Variants in CTNNA3 observed in about 807,000 individuals in gnomAD.
The protein encoded by CTNNA3 is catenin alpha-3.
In CTNNA3, 76 loss-of-function variants were observed where a neutral mutation model predicts 95.7. The ratio of observed to expected loss-of-function variants is 0.79; its 90% CI spans 0.66 to 0.96. CTNNA3 has a LOEUF of 0.96. Ranked by LOEUF, CTNNA3 falls within the 40% of genes least tolerant of loss-of-function variation. The pLI is 0.00. For missense variants in CTNNA3, 1,191 were observed against 1,089.8 expected (o/e 1.09, Z -1.31); for synonymous variants, 431 against 374.4 (o/e 1.15, Z -1.74).
Position 67,483,556 on chromosome 10 carries a change from G to T in CTNNA3, c.579+38286C>A, listed in dbSNP as rs553003829. On this transcript the variant is annotated intron_variant, in intron 5 of 17. Transcript: ENST00000433211. ...ACCGCATGTTCTCACTCATAGGTGGGAATTGAACCCATGGACACAGGAAGG... is the reference window on the plus strand; with the variant it reads ...ACCGCATGTTCTCACTCATAGGTGGTAATTGAACCCATGGACACAGGAAGG... 6.6e-5 allele frequency among the ~76,000 whole-genome samples: 10 copies of T among 151,126 alleles called. No homozygotes were observed. The East Asian group carries it at 2.0e-3, about 30-fold the overall frequency.
chr10:67,350,631 G>T (rs1404476740), intron 5 of CTNNA3, among the ~76,000 whole-genome samples: 1 of 142,622 alleles, frequency 7.0e-6, no homozygotes, highest in Non-Finnish European at 1.5e-5. Flanking sequence ...ATTACCCAAA[G>T]ATGACTGAGA....
intron 7 of CTNNA3, among the ~76,000 whole-genome samples, chr10:67,083,990 C>T (rs904285352): frequency 2.6e-5 from 4 of 152,088 alleles, no homozygotes; most frequent in Non-Finnish European, 5.9e-5. Context: ...ATAATGGTTT[C>T]CAAGGTCAAT....
chr10:67,466,519 A>T (rs1847601027), intron 5 of CTNNA3, among the ~76,000 whole-genome samples: 1 of 152,188 alleles, frequency 6.6e-6, no homozygotes, highest in African/African-American at 2.4e-5. Context: ...CAGAGCCAAA[A>T]ACTGAGACAT....
At chr10:67,321,267 G>A (rs2170139) in intron 5 of CTNNA3, among the ~76,000 whole-genome samples, 106,131 of 152,128 alleles carry the variant, frequency 0.7, 41,507 homozygotes, top group Non-Finnish European at 0.88. Flanking sequence ...TAGTCTCAAA[G>A]CACCTAAGAG....
chr10:66,592,681 G>A (rs886526527), intron 10 of CTNNA3, among the ~76,000 whole-genome samples: 7 of 152,280 alleles, frequency 4.6e-5, no homozygotes, highest in Middle Eastern at 3.4e-3. Context: ...ATATGTTAGT[G>A]TGGGTTGAAG....
intron 9 of CTNNA3, among the ~76,000 whole-genome samples, chr10:66,647,299 T>C (rs369467108): frequency 2.0e-5 from 3 of 152,178 alleles, no homozygotes; most frequent in African/African-American, 7.2e-5. Context: ...GGTCCCATAG[T>C]CCAGAGTGAA....
chr10:66,873,189 C>A (rs1844481436), intron 7 of CTNNA3, among the ~76,000 whole-genome samples: 1 of 152,018 alleles, frequency 6.6e-6, no homozygotes, highest in Non-Finnish European at 1.5e-5. Context: ...TAGAATGATA[C>A]CTTTGGGTAT....
intron 5 of CTNNA3, among the ~76,000 whole-genome samples, chr10:67,353,758 A>G (rs1384134488): frequency 6.6e-6 from 1 of 151,998 alleles, no homozygotes; most frequent in African/African-American, 2.4e-5. Context: ...CTCAATAAAT[A>G]TTTGTTAAAT....
At position 66,006,686 on chromosome 10, in the gene CTNNA3, G is replaced by A. The variant is rs1903877; in HGVS notation, c.2160-17889C>T. ...TTTAAACCACCGTGATATACTGGCT[G>A]CCCCTGCTCCTTTCATATCAGACCA... On this transcript the variant is annotated intron_variant, in intron 15 of 17. Coordinates refer to ENST00000433211, the MANE Select transcript of CTNNA3 (RefSeq NM_013266.4). Among the ~76,000 whole-genome samples, 443 of 152,206 alleles carry A rather than the reference G, an allele frequency of 2.9e-3. 2 individuals are homozygous for A. The highest frequency in any genetic ancestry group is 0.01 in the African/African-American group (421 of 41,562).
At chr10:66,623,882 G>A (rs897473793) in intron 9 of CTNNA3, among the ~76,000 whole-genome samples, 1 of 152,138 alleles carries the variant, frequency 6.6e-6, no homozygotes, top group Non-Finnish European at 1.5e-5. Context: ...TTACATCAGT[G>A]TGTGAATAAA....
intron 11 of CTNNA3, among the ~76,000 whole-genome samples, chr10:66,461,814 ATT>A (rs35888450): frequency 0.21 from 29,066 of 140,032 alleles, 3,104 homozygotes; most frequent in South Asian, 0.3. Context: ...TATATCTCCA[ATT>A]TTTTTTTTTT....
intron 1 of CTNNA3, among the ~76,000 whole-genome samples, chr10:67,715,285 T>C (rs1313262440): frequency 4.6e-5 from 7 of 152,210 alleles, no homozygotes; most frequent in Non-Finnish European, 1.0e-4. Context: ...GATAATGGTA[T>C]ATAGTTCATA....
At chr10:67,471,105 G>T (rs1289163614) in intron 5 of CTNNA3, among the ~76,000 whole-genome samples, 5 of 152,066 alleles carry the variant, frequency 3.3e-5, no homozygotes, top group Non-Finnish European at 7.4e-5. Context: ...GCAATTACCG[G>T]TGTGAGCCAC....
At chr10:66,773,799 T>G (rs1840188889) in intron 8 of CTNNA3, among the ~76,000 whole-genome samples, 1 of 152,192 alleles carries the variant, frequency 6.6e-6, no homozygotes, top group African/African-American at 2.4e-5. Context: ...CTATGAAGAA[T>G]AGTATTAGTA....
At chr10:66,400,747 A>G (rs2093014133) in intron 11 of CTNNA3, among the ~76,000 whole-genome samples, 1 of 152,132 alleles carries the variant, frequency 6.6e-6, no homozygotes, top group African/African-American at 2.4e-5. Flanking sequence ...ATAGATAGCT[A>G]TATCTATCAA....
chr10:67,450,256 A>C (rs1461407403), intron 5 of CTNNA3, among the ~76,000 whole-genome samples: 2 of 152,280 alleles, frequency 1.3e-5, no homozygotes, highest in East Asian at 3.9e-4. Context: ...CAAAGACCTA[A>C]AAACAGAACT....
intron 13 of CTNNA3, among the ~76,000 whole-genome samples, chr10:66,174,227 G>A (rs1204158010): frequency 6.6e-6 from 1 of 152,036 alleles, no homozygotes; most frequent in Non-Finnish European, 1.5e-5. Flanking sequence ...CTCTTATTTA[G>A]TATAATACTA....
intron 13 of CTNNA3, among the ~76,000 whole-genome samples, chr10:66,220,471 G>C (rs1438567545): frequency 1.3e-5 from 2 of 152,124 alleles, no homozygotes; most frequent in Admixed American, 6.5e-5. Context: ...GTTTTGGAGG[G>C]TACCTGCGAC....
chr10:67,450,394 C>T (rs562784122), intron 5 of CTNNA3, among the ~76,000 whole-genome samples: 13 of 152,140 alleles, frequency 8.5e-5, no homozygotes, highest in South Asian at 4.1e-4. Flanking sequence ...TGCCCATCAG[C>T]GGTAGGCTGG....
Sources: allele counts gnomAD v4.1 joint callset (sites outside exome capture counted in the v4.1 genomes callset), GRCh38; gene constraint gnomAD v4.1.1; transcripts MANE v1.5; gene names NCBI Gene and HGNC (gene_info 2026-07-23, HGNC 2026-07-21).